Variants in FHIT observed in about 807,000 individuals in gnomAD.
FHIT encodes fragile histidine triad diadenosine triphosphatase.
In FHIT, 19 loss-of-function variants were observed where a neutral mutation model predicts 17.9. The ratio of observed to expected loss-of-function variants is 1.06; its 90% CI spans 0.74 to 1.56. The LOEUF is 1.56. Among genes scored for constraint, FHIT ranks in the 40% most tolerant of loss-of-function variants. FHIT has a pLI of 0.00. For synonymous variants in FHIT, 81 were observed against 69.7 expected (o/e 1.16, Z -0.81); for missense variants, 248 against 189.2 (o/e 1.31, Z -1.82).
At position 59,749,453 on chromosome 3, in the gene FHIT, T is replaced by A. The variant is rs1406384347; in HGVS notation, c.*132A>T. ...AGGTGGGGGATCACTGGTTGAAGAATACAGGATGGTGAGATGAAGAAACTG... is the reference window on the plus strand; with the variant it reads ...AGGTGGGGGATCACTGGTTGAAGAAAACAGGATGGTGAGATGAAGAAACTG... On this transcript the variant is annotated 3_prime_UTR_variant, in exon 10 of 10. Transcript: ENST00000492590. 4.3e-6 allele frequency: 1 copy of A among 230,992 alleles called. No individual in the cohort carries two copies. The highest frequency in any genetic ancestry group is 8.6e-6 in the Non-Finnish European group (1 of 116,846). 14.3% of individuals were successfully genotyped at this position (230,992 alleles called of 1,614,324 possible).
At chr3:60,645,205 A>T (rs1553686439) in intron 4 of FHIT, among the ~76,000 whole-genome samples, 1 of 152,174 alleles carries the variant, frequency 6.6e-6, no homozygotes, top group East Asian at 1.9e-4. Flanking sequence ...TGCACAGTCC[A>T]GAACTGATCC....
chr3:61,095,639 A>C (rs1005849386), intron 2 of FHIT, among the ~76,000 whole-genome samples: 1 of 151,884 alleles, frequency 6.6e-6, no homozygotes, highest in Non-Finnish European at 1.5e-5. Context: ...CCCAACCTTA[A>C]AGCATCTGTT....
chr3:60,196,557 C>T (rs1702648518), intron 5 of FHIT, among the ~76,000 whole-genome samples: 2 of 152,092 alleles, frequency 1.3e-5, no homozygotes, highest in South Asian at 4.1e-4. Context: ...AGGTAACATT[C>T]ACAGGTGTTG....
intron 8 of FHIT, among the ~76,000 whole-genome samples, chr3:59,872,716 C>T (rs1173926291): frequency 6.6e-6 from 1 of 152,140 alleles, no homozygotes; most frequent in Non-Finnish European, 1.5e-5. Context: ...CAGCAGATAA[C>T]CCTTTATCCT....
chr3:60,529,050 A>T (rs1290919779), intron 5 of FHIT, among the ~76,000 whole-genome samples: 1 of 152,250 alleles, frequency 6.6e-6, no homozygotes, highest in East Asian at 1.9e-4. Flanking sequence ...TGTAGTAGAA[A>T]TCTCACAAAG....
Position 59,966,749 on chromosome 3 carries a change from G to A in FHIT, c.280-44335C>T, listed in dbSNP as rs368033990. On this transcript the variant is annotated intron_variant, in intron 7 of 9. Transcript: ENST00000492590. Reference sequence around the variant, plus strand: ...CTTGTTGGATTGGAAGTTGCTTTGGGTGAGTCAGTGAGTAAGGGGTGACTG... The same window carrying A: ...CTTGTTGGATTGGAAGTTGCTTTGGATGAGTCAGTGAGTAAGGGGTGACTG... Among the ~76,000 whole-genome samples, 15 of 152,222 alleles carry A rather than the reference G, an allele frequency of 9.9e-5. No homozygotes were observed. The East Asian group carries it at 2.7e-3, about 27-fold the overall frequency.
At position 61,118,250 on chromosome 3, in the gene FHIT, G is replaced by T. The variant is rs74474156; in HGVS notation, c.-163-76151C>A. ...TCTTCACGTGCCTTTCACACAAAAG[G>T]TCTCAACTTAATGCCAGGTAATTAC... On this transcript the variant is annotated intron_variant, in intron 2 of 9. Coordinates refer to ENST00000492590, the MANE Select transcript of FHIT (RefSeq NM_002012.4). Among the ~76,000 whole-genome samples the T allele has an allele frequency of 7.2e-4, 109 of 152,252 alleles. No homozygotes were observed. The East Asian group carries it at 0.02, about 29-fold the overall frequency.
At chr3:59,872,322 C>G (rs1702960641) in intron 8 of FHIT, among the ~76,000 whole-genome samples, 1 of 152,166 alleles carries the variant, frequency 6.6e-6, no homozygotes, top group Non-Finnish European at 1.5e-5. Flanking sequence ...AAGCAGAATT[C>G]ACAACATACT....
At chr3:60,002,534 A>C (rs963527143) in intron 7 of FHIT, among the ~76,000 whole-genome samples, 22 of 152,218 alleles carry the variant, frequency 1.4e-4, no homozygotes, top group African/African-American at 5.3e-4. Context: ...GAAGGAGGGA[A>C]AGGATTCCTC....
intron 5 of FHIT, among the ~76,000 whole-genome samples, chr3:60,401,164 G>C (rs1004909353): frequency 2.6e-5 from 4 of 152,102 alleles, no homozygotes; most frequent in Admixed American, 2.0e-4. Flanking sequence ...TTTTTGCTTT[G>C]CTTGTAGTGA....
chr3:60,506,292 C>T (rs780737956), intron 5 of FHIT, among the ~76,000 whole-genome samples: 11 of 152,070 alleles, frequency 7.2e-5, no homozygotes, highest in Admixed American at 7.2e-4. Context: ...TGGATGTATT[C>T]CATAGGATCT....
At chr3:60,350,596 A>T (rs1711036800) in intron 5 of FHIT, among the ~76,000 whole-genome samples, 1 of 152,128 alleles carries the variant, frequency 6.6e-6, no homozygotes, top group Non-Finnish European at 1.5e-5. Flanking sequence ...AACAAGTAAG[A>T]GGTGACTTCC....
chr3:60,258,100 A>ACACACAC (rs770378733), intron 5 of FHIT, among the ~76,000 whole-genome samples: 2 of 145,070 alleles, frequency 1.4e-5, no homozygotes, highest in Non-Finnish European at 3.0e-5. Flanking sequence ...ACACACACAC[A>ACACACAC]CCTCTGCAGA....
intron 4 of FHIT, among the ~76,000 whole-genome samples, chr3:60,805,246 G>T (rs1701341811): frequency 2.0e-5 from 3 of 152,176 alleles, no homozygotes; most frequent in Admixed American, 2.0e-4. Flanking sequence ...TACCACCTTA[G>T]TCAGCTTGGG....
intron 5 of FHIT, among the ~76,000 whole-genome samples, chr3:60,054,080 A>G (rs1012311629): frequency 3.9e-5 from 6 of 152,242 alleles, no homozygotes; most frequent in Non-Finnish European, 8.8e-5. Flanking sequence ...CATCAAAAAC[A>G]TTTCTAAATA....
intron 2 of FHIT, among the ~76,000 whole-genome samples, chr3:61,063,626 C>A (rs2106708064): frequency 6.6e-6 from 1 of 152,174 alleles, no homozygotes; most frequent in Non-Finnish European, 1.5e-5. Context: ...CCAAGGTTCA[C>A]AAACACAAAT....
At chr3:61,033,348 A>G (rs1259351836) in intron 3 of FHIT, among the ~76,000 whole-genome samples, 1 of 152,200 alleles carries the variant, frequency 6.6e-6, no homozygotes, top group African/African-American at 2.4e-5. Context: ...GCCACATAAA[A>G]TGTGCCTTAT....
chr3:61,147,661 TA>T (rs2037264260), intron 2 of FHIT, among the ~76,000 whole-genome samples: 1 of 109,432 alleles, frequency 9.1e-6, no homozygotes, highest in African/African-American at 3.2e-5. Context: ...TGTATGAAAA[TA>T]TAAAAAAATA....
chr3:61,125,940 C>A (rs2036593104), intron 2 of FHIT, among the ~76,000 whole-genome samples: 2 of 152,164 alleles, frequency 1.3e-5, no homozygotes, highest in Admixed American at 6.5e-5. Context: ...GTAGGTATTA[C>A]CTATCCAATT....
Sources: gnomAD v4.1 joint callset for allele counts (sites outside exome capture counted in the v4.1 genomes callset) on GRCh38, gnomAD v4.1.1 for gene constraint, MANE v1.5 for transcripts, NCBI Gene and HGNC (gene_info 2026-07-23, HGNC 2026-07-21) for gene names.